Variants in NPSR1 observed in about 807,000 individuals in gnomAD.
NPSR1 encodes neuropeptide S receptor 1.
NPSR1 carries 48 observed loss-of-function variants against 46.9 expected under a neutral mutation model. The ratio of observed to expected loss-of-function variants is 1.02; its 90% CI spans 0.81 to 1.30. The LOEUF (loss-of-function observed/expected upper bound fraction) is 1.30, where lower values mean the gene tolerates loss of function less well. NPSR1 is among the 50% of genes most tolerant of loss of function. NPSR1 has a pLI of 0.00. For missense variants in NPSR1, 450 were observed against 449.5 expected (o/e 1.00, Z -0.01); for synonymous variants, 176 against 168.1 (o/e 1.05, Z -0.36).
intron 6 of NPSR1, among the ~76,000 whole-genome samples, chr7:34,840,101 A>G (rs1273700224): frequency 6.6e-6 from 1 of 152,108 alleles, no homozygotes; most frequent in African/African-American, 2.4e-5. Flanking sequence ...ATCTTCTCAT[A>G]TCTAGCTACA....
chr7:34,830,177 T>C (rs903543148), intron 5 of NPSR1, among the ~76,000 whole-genome samples: 1 of 152,258 alleles, frequency 6.6e-6, no homozygotes, highest in Non-Finnish European at 1.5e-5. Flanking sequence ...GGTTCAACTC[T>C]TATTCTGTCT....
chr7:34,765,334 T>C (rs543173494), intron 2 of NPSR1, among the ~76,000 whole-genome samples: 1 of 152,230 alleles, frequency 6.6e-6, no homozygotes, highest in Non-Finnish European at 1.5e-5. Flanking sequence ...ATGACTCCAA[T>C]GTTGGAGCTA....
intron 7 of NPSR1, among the ~76,000 whole-genome samples, chr7:34,847,631 G>A (rs1194778487): frequency 1.3e-5 from 2 of 152,160 alleles, no homozygotes; most frequent in South Asian, 4.1e-4. Flanking sequence ...TCGAAGACAG[G>A]CAAGCAGAGT....
intron 7 of NPSR1, among the ~76,000 whole-genome samples, chr7:34,847,264 G>A (rs780099296): frequency 1.3e-5 from 2 of 152,152 alleles, no homozygotes; most frequent in African/African-American, 4.8e-5. Flanking sequence ...CTTCTACTCC[G>A]AGAAAAAATT....
chr7:34,704,224 T>C (rs765111388), intron 2 of NPSR1: 3 of 152,218 alleles, frequency 2.0e-5, no homozygotes, highest in Non-Finnish European at 4.4e-5. Context: ...GCATTCTCAA[T>C]ACATTATTTT....
intron 2 of NPSR1, among the ~76,000 whole-genome samples, chr7:34,774,469 T>C (rs571559257): frequency 6.6e-6 from 1 of 152,330 alleles, no homozygotes; most frequent in Non-Finnish European, 1.5e-5. Flanking sequence ...TATGACTTAG[T>C]GCATTGGCAA....
intron 8 of NPSR1, among the ~76,000 whole-genome samples, chr7:34,877,679 C>T (rs1266760730): frequency 6.6e-6 from 1 of 152,168 alleles, no homozygotes; most frequent in Non-Finnish European, 1.5e-5. Flanking sequence ...TATGGAAGAA[C>T]ATGTTGGTGC....
chr7:34,717,646 C>T (rs899888810), intron 2 of NPSR1, among the ~76,000 whole-genome samples: 1 of 152,178 alleles, frequency 6.6e-6, no homozygotes, highest in Non-Finnish European at 1.5e-5. Flanking sequence ...CTTCTGCTCC[C>T]AACTGTCCAA....
intron 8 of NPSR1, among the ~76,000 whole-genome samples, chr7:34,867,844 TATGGA>T (rs1484259458): frequency 6.6e-6 from 1 of 151,826 alleles, no homozygotes; most frequent in Non-Finnish European, 1.5e-5. Context: ...CAAGCTCACC[TATGGA>T]AAAGGAGGAA....
chr7:34,678,587 G>T (rs1237056188), intron 1 of NPSR1, among the ~76,000 whole-genome samples: 2 of 152,090 alleles, frequency 1.3e-5, no homozygotes, highest in African/African-American at 4.8e-5. Context: ...AGCACTTTGG[G>T]AGGCCCAGGA....
intron 2 of NPSR1, among the ~76,000 whole-genome samples, chr7:34,686,751 T>G (rs545126666): frequency 3.9e-5 from 6 of 152,230 alleles, no homozygotes; most frequent in Admixed American, 6.5e-5. Flanking sequence ...TCCTTTATTT[T>G]CTTTAAAATC....
At chr7:34,820,915 G>A (rs1205117394) in intron 4 of NPSR1, among the ~76,000 whole-genome samples, 2 of 152,114 alleles carry the variant, frequency 1.3e-5, no homozygotes. Flanking sequence ...AGACTATGTT[G>A]TAAAATGTTT....
chr7:34,782,022 A>T (rs1386946365), intron 3 of NPSR1, among the ~76,000 whole-genome samples: 1 of 152,156 alleles, frequency 6.6e-6, no homozygotes, highest in African/African-American at 2.4e-5. Flanking sequence ...CCAACATTAC[A>T]GCAGGGGCAC....
intron 4 of NPSR1, among the ~76,000 whole-genome samples, chr7:34,819,508 C>T (rs182970412): frequency 4.7e-4 from 72 of 152,222 alleles, no homozygotes; most frequent in Admixed American, 3.7e-3. Context: ...CACAGTGTGG[C>T]GATTCCTCAA....
At chr7:34,745,363 C>T (rs573404512) in intron 2 of NPSR1, among the ~76,000 whole-genome samples, 73 of 152,184 alleles carry the variant, frequency 4.8e-4, no homozygotes, top group African/African-American at 1.7e-3. Flanking sequence ...TGGTTCCAAC[C>T]TTATAATCAA....
intron 3 of NPSR1, among the ~76,000 whole-genome samples, chr7:34,799,490 A>C (rs1356193311): frequency 6.6e-6 from 1 of 151,632 alleles, no homozygotes; most frequent in East Asian, 2.0e-4. Flanking sequence ...AGGAGAAATA[A>C]AATATTTTAC....
downstream of NPSR1, among the ~76,000 whole-genome samples, chr7:34,852,126 T>C (rs531984715): frequency 6.6e-5 from 10 of 152,174 alleles, no homozygotes; most frequent in Middle Eastern, 3.4e-3. Context: ...GGTGAAACCC[T>C]GTCTCTACTA....
chr7:34,663,069 G>GTGTGTGTGTGTGTGTGTGTGTT (rs1203512481), intron 1 of NPSR1, among the ~76,000 whole-genome samples: 8,851 of 70,566 alleles, frequency 0.13, 859 homozygotes, highest in African/African-American at 0.35. Context: ...CTCTCTCTCT[G>GTGTGTGTGTGTGTGTGTGTGTT]TGTGTGTGTG....
Position 34,861,626 on chromosome 7 carries a change from A to G in NPSR1, c.1025+12963A>G, listed in dbSNP as rs149639867. On this transcript the variant is annotated intron_variant, in intron 8 of 8. Transcript: ENST00000359791. ...GACAGAACCACACCCAAAATAGAGT[A>G]GATACCAATAAATATTAGCTTAATG... 4.0e-3 allele frequency among the ~76,000 whole-genome samples: 615 copies of G among 151,996 alleles called. 5 individuals are homozygous for G. Among genetic ancestry groups the G allele is most frequent in the Middle Eastern group, 0.024 (7 of 294 alleles).
Sources: allele counts gnomAD v4.1 joint callset (sites outside exome capture counted in the v4.1 genomes callset), GRCh38; gene constraint gnomAD v4.1.1; transcripts MANE v1.5; gene names NCBI Gene and HGNC (gene_info 2026-07-23, HGNC 2026-07-21).